The following PHACTR2 variants were observed in gnomAD, a reference collection of about 807,000 sequenced individuals.
PHACTR2 encodes the protein chromosome 6 open reading frame 56.
A neutral mutation model predicts 76.0 loss-of-function variants in PHACTR2; 30 were observed. The ratio of observed to expected loss-of-function variants is 0.39; its 90% CI spans 0.30 to 0.54. PHACTR2 has a LOEUF of 0.54. PHACTR2 is among the 20% of genes least tolerant of loss of function. The pLI is 0.61. For missense variants in PHACTR2, 696 were observed against 781.1 expected (o/e 0.89, Z 1.30); for synonymous variants, 292 against 292.5 (o/e 1.00, Z 0.02).
At chr6:143,702,149 T>G (rs1777929175) in intron 1 of PHACTR2, among the ~76,000 whole-genome samples, 1 of 125,870 alleles carries the variant, frequency 7.9e-6, no homozygotes, top group Non-Finnish European at 1.7e-5. Context: ...TTTTTTTTTT[T>G]GAGAAGGGAT....
rs1343781186 is a variant in PHACTR2, at chr6:143,553,988, G to C, written c.217+16781G>C. Among the ~76,000 whole-genome samples, 1 of 152,080 alleles carries C rather than the reference G, an allele frequency of 6.6e-6. No individual in the cohort carries two copies. The highest frequency in any genetic ancestry group is 1.5e-5 in the Non-Finnish European group (1 of 68,020). The stretch of plus-strand genomic sequence containing the variant: ...CCCCAAGGAACAGAAAAGAATCCCG[G>C]GTTGGGCCCCTGTAGACCACCGCAA... On this transcript the variant is annotated intron_variant, in intron 1 of 11. Coordinates refer to the PHACTR2 transcript ENST00000367584. This position sits in a 1 kb window ranked among gnomAD's most constrained non-coding sequence, Gnocchi z 4.2.
At chr6:143,566,705 T>C (rs945499777) in intron 1 of PHACTR2, among the ~76,000 whole-genome samples, 1 of 151,916 alleles carries the variant, frequency 6.6e-6, no homozygotes, top group African/African-American at 2.4e-5. Flanking sequence ...ATAGTCAAAA[T>C]TGTTTCTTCC....
chr6:143,746,228 A>C (rs1450889071), intron 2 of PHACTR2, among the ~76,000 whole-genome samples: 1 of 152,040 alleles, frequency 6.6e-6, no homozygotes, highest in Non-Finnish European at 1.5e-5. Context: ...TTTTACAGAT[A>C]ATGGATTAGA....
intron 6 of PHACTR2, among the ~76,000 whole-genome samples, chr6:143,771,208 A>ATATG (rs1562300893): frequency 1.2e-4 from 10 of 80,434 alleles, no homozygotes; most frequent in African/African-American, 5.5e-4. Context: ...ATATATATAT[A>ATATG]TATATATATA....
At position 143,792,693 on chromosome 6, in the gene PHACTR2, G is replaced by A. The variant is rs552254951; in HGVS notation, c.1845+3783G>A. Among the ~76,000 whole-genome samples, 7 of 152,226 alleles carry A rather than the reference G, an allele frequency of 4.6e-5. No homozygotes were observed. In the South Asian group the frequency reaches 1.5e-3, roughly 32 times the overall value. ...CAAGATAACCTCTCTAACATGTCTG[G>A]TGTCTTGGTAAGGAAGGCTCAGAGA... On this transcript the variant is annotated intron_variant, in intron 11 of 12. Coordinates refer to ENST00000440869, the MANE Select transcript of PHACTR2 (RefSeq NM_001100164.2).
At chr6:143,552,423 C>T (rs1045210486) in intron 1 of PHACTR2, among the ~76,000 whole-genome samples, 1 of 152,074 alleles carries the variant, frequency 6.6e-6, no homozygotes, top group Non-Finnish European at 1.5e-5. Flanking sequence ...GGAGCAAAAC[C>T]ACAAATGGAA....
chr6:143,561,795 G>T lies in PHACTR2; in HGVS notation c.217+24588G>T, dbSNP rs567353087. The T allele has an allele frequency of 1.3e-5, 2 of 152,376 alleles. No individual in the cohort carries two copies. Among genetic ancestry groups the T allele is most frequent in the African/African-American group, 4.8e-5 (2 of 41,570 alleles). The allele number at this position is 152,376 out of a possible 1,614,324, so 9.4% of individuals were successfully genotyped here. ...GCCAGTAAGTAAGGCAGTGAGCCAG[G>T]GAGAGCTGGGTTATTACTGCTTGTG... On this transcript the variant is annotated intron_variant, in intron 1 of 11. Transcript: ENST00000367584. The surrounding 1 kb of genome is among the most constrained non-coding windows in gnomAD (Gnocchi z 4.1).
chr6:143,582,958 CT>C (rs1404979358), intron 1 of PHACTR2, among the ~76,000 whole-genome samples: 1 of 152,132 alleles, frequency 6.6e-6, no homozygotes, highest in Non-Finnish European at 1.5e-5. Flanking sequence ...TAAATAATAG[CT>C]TTCACAAATA....
chr6:143,783,243 A>C lies in PHACTR2; in HGVS notation c.1670A>C (p.Glu557Ala), dbSNP rs1285639000. 1.2e-6 allele frequency: 2 copies of C among 1,609,252 alleles called. No homozygotes were observed. The highest frequency in any genetic ancestry group is 1.3e-5 in the African/African-American group (1 of 74,832). Residue 557 changes from glutamate to alanine, a missense_variant, in exon 10 of 13, where the codon GAA becomes GCA. Glu to Ala is a moderately radical substitution (Grantham distance 107). Around this residue, in one of 2 missense-constraint regions of PHACTR2, gnomAD observed 236 missense variants for 330.2 expected, o/e 0.71. Transcript: ENST00000440869. The surrounding 1 kb of genome is among the most constrained non-coding windows in gnomAD (Gnocchi z 5.2). ...LKQKNEEEEQ[E>A]AKMELKRRLS... ...GAAAAGAATGAAGAAGAGGAACAAGAAGCAAAAATGGAACTTAAACGCAGA... is the reference window on the plus strand; with the variant it reads ...GAAAAGAATGAAGAAGAGGAACAAGCAGCAAAAATGGAACTTAAACGCAGA...
Position 143,623,074 on chromosome 6 carries a change from GAA to G in PHACTR2, c.13+14753_13+14754del, listed in dbSNP as rs1776187927. 6.6e-6 allele frequency among the ~76,000 whole-genome samples: 1 copy of G among 152,064 alleles called. No homozygotes were observed. The highest frequency in any genetic ancestry group is 1.5e-5 in the Non-Finnish European group (1 of 68,004). On this transcript the variant is annotated intron_variant, in intron 1 of 11. Coordinates refer to the PHACTR2 transcript ENST00000305766. This position sits in a 1 kb window ranked among gnomAD's most constrained non-coding sequence, Gnocchi z 5.9. ...TAACACTGATGTCAAATATGCCGGT[GAA>G]GAGTTTGAATAAAATGTTTTCAGGA...
chr6:143,657,935 A>G (rs1776877307), intron 1 of PHACTR2, among the ~76,000 whole-genome samples: 2 of 152,284 alleles, frequency 1.3e-5, no homozygotes, highest in South Asian at 4.1e-4. Context: ...GCCAGGGGAA[A>G]TAATCCCTTT....
chr6:143,637,305 C>T (rs1248926944), intron 1 of PHACTR2, among the ~76,000 whole-genome samples: 1 of 148,624 alleles, frequency 6.7e-6, no homozygotes, highest in Non-Finnish European at 1.5e-5. Context: ...GTTAACCATT[C>T]TTTTGTTGTT....
rs77673593 is a variant in PHACTR2, at chr6:143,696,959, T to A, written c.47-15057T>A. 0.013 allele frequency among the ~76,000 whole-genome samples: 1,912 copies of A among 152,264 alleles called. 19 individuals are homozygous for A. The highest frequency in any genetic ancestry group is 0.024 in the East Asian group (122 of 5,170). On this transcript the variant is annotated intron_variant, in intron 1 of 12. Transcript: ENST00000440869. The surrounding 1 kb of genome is among the most constrained non-coding windows in gnomAD (Gnocchi z 4.1). Reference sequence around the variant, plus strand: ...GCTGGCTGCCAGTCTTAAAGAATGATTCCTCGTCATTGAACATGTTACATT... The same window carrying A: ...GCTGGCTGCCAGTCTTAAAGAATGAATCCTCGTCATTGAACATGTTACATT...
intron 6 of PHACTR2, among the ~76,000 whole-genome samples, chr6:143,771,691 C>G (rs1036304810): frequency 6.6e-6 from 1 of 152,140 alleles, no homozygotes; most frequent in Non-Finnish European, 1.5e-5. Context: ...CCCACTTCAG[C>G]CTTCCAAAGT....
rs886182614 is a variant in PHACTR2, at chr6:143,794,142, T to A, written c.1845+5232T>A. 6.6e-6 allele frequency among the ~76,000 whole-genome samples: 1 copy of A among 151,770 alleles called. No individual in the cohort carries two copies. Among genetic ancestry groups the A allele is most frequent in the Non-Finnish European group, 1.5e-5 (1 of 67,938 alleles). ...TTTACTACCTAACACTGAAAAAAAT[T>A]GTTCCCTCTAGTTGTTAAAAGATAA... On this transcript the variant is annotated intron_variant, in intron 11 of 12. Coordinates refer to ENST00000440869, the MANE Select transcript of PHACTR2 (RefSeq NM_001100164.2). The surrounding 1 kb of genome is among the most constrained non-coding windows in gnomAD (Gnocchi z 4.1).
Position 143,571,907 on chromosome 6 carries a change from G to A in PHACTR2, c.217+34700G>A, listed in dbSNP as rs1193986366. The stretch of plus-strand genomic sequence containing the variant: ...TTGGAAAATTAATATTTACCATATG[G>A]GAGATCTCTATGTAGGAGATATTAG... On this transcript the variant is annotated intron_variant, in intron 1 of 11. Coordinates refer to the PHACTR2 transcript ENST00000367584. This position sits in a 1 kb window ranked among gnomAD's most constrained non-coding sequence, Gnocchi z 4.6. Among the ~76,000 whole-genome samples the A allele has an allele frequency of 2.0e-5, 3 of 152,044 alleles. No homozygotes were observed. The highest frequency in any genetic ancestry group is 7.3e-5 in the African/African-American group (3 of 41,374).
rs191894174 is a variant in PHACTR2 at position 143,823,516 on chromosome 6, A to G, written c.1923-158A>G. On this transcript the variant is annotated intron_variant, in intron 12 of 12. Transcript: ENST00000440869. The surrounding 1 kb of genome is among the most constrained non-coding windows in gnomAD (Gnocchi z 5.7). ...ATATGCTTTCCTTAATAATATTTGTAACAGTATTTTGTTATGACAGAAATT... is the reference window on the plus strand; with the variant it reads ...ATATGCTTTCCTTAATAATATTTGTGACAGTATTTTGTTATGACAGAAATT... Among the ~76,000 whole-genome samples the G allele has an allele frequency of 6.6e-6, 1 of 152,316 alleles. No homozygotes were observed. The highest frequency in any genetic ancestry group is 1.5e-5 in the Non-Finnish European group (1 of 68,028).
At position 143,731,547 on chromosome 6, in the gene PHACTR2, A is replaced by G. The variant is rs909641928; in HGVS notation, c.215-17438A>G. ...GGTGATCTGCCCGCCTCGGCCTCCC[A>G]AAGTGCTGGGATTACAGGCATGAGC... On this transcript the variant is annotated intron_variant, in intron 2 of 12. Coordinates refer to ENST00000440869, the MANE Select transcript of PHACTR2 (RefSeq NM_001100164.2). The surrounding 1 kb of genome is among the most constrained non-coding windows in gnomAD (Gnocchi z 4.9). 6.6e-6 allele frequency among the ~76,000 whole-genome samples: 1 copy of G among 152,100 alleles called. No individual in the cohort carries two copies. Among genetic ancestry groups the G allele is most frequent in the African/African-American group, 2.4e-5 (1 of 41,426 alleles).
At chr6:143,770,639 A>G (rs1409283846) in intron 6 of PHACTR2, among the ~76,000 whole-genome samples, 2 of 152,222 alleles carry the variant, frequency 1.3e-5, no homozygotes, top group South Asian at 2.1e-4. Flanking sequence ...ATAACTATGA[A>G]GTAGGGTTTT....
Sources: allele counts gnomAD v4.1 joint callset (sites outside exome capture counted in the v4.1 genomes callset), GRCh38; gene constraint gnomAD v4.1.1; regional missense constraint gnomAD v4.1.1; non-coding constraint Gnocchi (gnomAD v3.1); transcripts MANE v1.5; gene names NCBI Gene and HGNC (gene_info 2026-07-23, HGNC 2026-07-21).